TCF7L2: variants seen among roughly 807,000 people sequenced by gnomAD.
The protein encoded by TCF7L2 is transcription factor 7-like 2.
In TCF7L2, 23 loss-of-function variants were observed where a neutral mutation model predicts 77.9. The ratio of observed to expected loss-of-function variants is 0.30; its 90% CI spans 0.21 to 0.42. The LOEUF is 0.42. Among genes scored for constraint, TCF7L2 ranks in the 10% least tolerant of loss-of-function variants. TCF7L2 has a pLI of 1.00. For synonymous variants in TCF7L2, 413 were observed against 340.2 expected, an observed-to-expected ratio of 1.21 and a Z score of -2.36; for missense variants, 654 against 793.1, an observed-to-expected ratio of 0.82 and a Z score of 2.11.
Position 113,167,645 on chromosome 10 carries a change from G to A in TCF7L2, c.*1673G>A. On this transcript the variant is annotated 3_prime_UTR_variant, in exon 14 of 14. Transcript: ENST00000627217. ...ACAGTATCTGTAGCATGCCGTTCTG[G>A]ATTAATAAAAGCAACTTAGTATGTG... The A allele has an allele frequency of 5.3e-6, 1 of 189,802 alleles. No individual in the cohort carries two copies. The highest frequency in any genetic ancestry group is 1.1e-5 in the Non-Finnish European group (1 of 90,402). The allele number at this position is 189,802 out of a possible 1,614,324, so 11.8% of individuals were successfully genotyped here.
chr10:113,110,523 T>C (rs893338427), intron 5 of TCF7L2, among the ~76,000 whole-genome samples: 1 of 152,170 alleles, frequency 6.6e-6, no homozygotes, highest in African/African-American at 2.4e-5. Context: ...ACATGTAGTA[T>C]ACACATGTCT....
At chr10:112,980,627 CTT>C (rs1175995835) in intron 4 of TCF7L2, among the ~76,000 whole-genome samples, 15 of 143,246 alleles carry the variant, frequency 1.0e-4, no homozygotes, top group African/African-American at 7.6e-5. Flanking sequence ...GCATTTGTTT[CTT>C]TTTTTTTTTT....
rs193026993 is a variant in TCF7L2 at position 112,973,783 on chromosome 10, G to A, written c.450+9159G>A. Among the ~76,000 whole-genome samples, 173 of 152,122 alleles carry A rather than the reference G, an allele frequency of 1.1e-3. 1 individual carries two copies. The East Asian group carries it at 0.018, about 16-fold the overall frequency. On this transcript the variant is annotated intron_variant, in intron 4 of 13. Coordinates refer to ENST00000627217, the MANE Select transcript of TCF7L2 (RefSeq NM_001146274.2). ...TTTTTGTATTTTTGGTAGATACGGC[G>A]TTTCACCATGTTGGCCAGGCTGGTC... is the stretch of plus-strand genomic sequence containing the variant.
chr10:113,033,097 T>C (rs987720302), intron 4 of TCF7L2, among the ~76,000 whole-genome samples: 2 of 152,208 alleles, frequency 1.3e-5, no homozygotes, highest in Admixed American at 6.5e-5. Context: ...GTTGGTTTTT[T>C]TTCCCCCAAG....
At chr10:113,074,729 G>A (rs2058502353) in intron 5 of TCF7L2, among the ~76,000 whole-genome samples, 2 of 152,118 alleles carry the variant, frequency 1.3e-5, no homozygotes, top group South Asian at 2.1e-4. Context: ...GGGCCTCCAC[G>A]CCATAGGCAG....
At chr10:112,972,525 A>AG (rs1342096263) in intron 4 of TCF7L2, among the ~76,000 whole-genome samples, 2 of 152,226 alleles carry the variant, frequency 1.3e-5, no homozygotes, top group African/African-American at 4.8e-5. Context: ...GCTGGAGCAC[A>AG]GTGGTGTGAT....
At chr10:112,990,222 G>T (rs1443205738) in intron 4 of TCF7L2, among the ~76,000 whole-genome samples, 1 of 152,136 alleles carries the variant, frequency 6.6e-6, no homozygotes, top group Non-Finnish European at 1.5e-5. Flanking sequence ...AGTTTCCAGG[G>T]TATCTCAGCT....
intron 4 of TCF7L2, among the ~76,000 whole-genome samples, chr10:112,980,892 C>T (rs895207897): frequency 1.3e-5 from 2 of 152,202 alleles, no homozygotes; most frequent in African/African-American, 2.4e-5. Flanking sequence ...TCCCAAAGTG[C>T]TGGGATTACA....
intron 4 of TCF7L2, among the ~76,000 whole-genome samples, chr10:112,991,599 G>A (rs2042562206): frequency 6.6e-6 from 1 of 151,904 alleles, no homozygotes; most frequent in Admixed American, 6.5e-5. Context: ...CCGCCAAGGG[G>A]AGTCAGGCTC....
intron 4 of TCF7L2, among the ~76,000 whole-genome samples, chr10:112,990,818 C>T (rs1005864441): frequency 2.6e-5 from 4 of 152,210 alleles, no homozygotes; most frequent in Non-Finnish European, 5.9e-5. Context: ...AATAACGTTT[C>T]CGTACTCATC....
intron 5 of TCF7L2, among the ~76,000 whole-genome samples, chr10:113,046,082 GCC>G (rs2053397332): frequency 6.6e-6 from 1 of 152,050 alleles, no homozygotes; most frequent in Non-Finnish European, 1.5e-5. Context: ...TGTACATGGG[GCC>G]ATGATAGAGT....
intron 4 of TCF7L2, among the ~76,000 whole-genome samples, chr10:112,973,060 C>T (rs534544546): frequency 2.4e-4 from 36 of 152,272 alleles, no homozygotes; most frequent in South Asian, 1.9e-3. Context: ...ATAGAAATCA[C>T]GTGGGACCTG....
chr10:113,016,305 G>A (rs992866561), intron 4 of TCF7L2, among the ~76,000 whole-genome samples: 2 of 152,114 alleles, frequency 1.3e-5, no homozygotes, highest in African/African-American at 4.8e-5. Context: ...GACCTCAAGG[G>A]ATCAGCCCAC....
At chr10:113,059,908 GGT>G (rs145215752) in intron 5 of TCF7L2, among the ~76,000 whole-genome samples, 1 of 151,822 alleles carries the variant, frequency 6.6e-6, no homozygotes, top group Non-Finnish European at 1.5e-5. Flanking sequence ...CCATTTTTGG[GGT>G]GTGTGTGTGT....
At position 112,972,880 on chromosome 10, in the gene TCF7L2, C is replaced by T. The variant is rs142254770; in HGVS notation, c.450+8256C>T. 3.3e-3 allele frequency among the ~76,000 whole-genome samples: 502 copies of T among 152,260 alleles called. 3 individuals are homozygous for T. Among genetic ancestry groups the T allele is most frequent in the Admixed American group, 5.7e-3 (87 of 15,300 alleles). ...ATTTTGTAAATGAGGAAACAGATAC[C>T]TGAGATATTTTGCCCAAGGCCAATT... On this transcript the variant is annotated intron_variant, in intron 4 of 13. Transcript: ENST00000627217.
intron 4 of TCF7L2, among the ~76,000 whole-genome samples, chr10:113,022,053 GA>G (rs959715392): frequency 3.1e-4 from 47 of 151,142 alleles, no homozygotes; most frequent in African/African-American, 1.1e-3. Flanking sequence ...GAAAGAGGAG[GA>G]AAAAAAAATC....
intron 4 of TCF7L2, among the ~76,000 whole-genome samples, chr10:112,986,829 A>G (rs573551601): frequency 7.9e-5 from 12 of 152,218 alleles, no homozygotes; most frequent in African/African-American, 2.9e-4. Context: ...GGCATACTGG[A>G]TCCCTGTTTT....
intron 4 of TCF7L2, among the ~76,000 whole-genome samples, chr10:112,971,752 A>G (rs1413988508): frequency 6.7e-6 from 1 of 149,958 alleles, no homozygotes; most frequent in Non-Finnish European, 1.5e-5. Context: ...AGCTGGGACT[A>G]CAGGTGTGTG....
At chr10:113,129,996 T>C (rs1269450680) in intron 5 of TCF7L2, 3 of 1,271,526 alleles carry the variant, frequency 2.4e-6, no homozygotes, top group South Asian at 2.6e-5. Flanking sequence ...GGGTGAGTAG[T>C]GGGGTGTGTG....
Sources: gnomAD v4.1 joint callset for allele counts (sites outside exome capture counted in the v4.1 genomes callset) on GRCh38, gnomAD v4.1.1 for gene constraint, MANE v1.5 for transcripts, NCBI Gene and HGNC (gene_info 2026-07-23, HGNC 2026-07-21) for gene names.